The following CACNA1A variants were observed in gnomAD, a reference collection of about 807,000 sequenced individuals.
CACNA1A encodes calcium voltage-gated channel subunit alpha1 A.
In CACNA1A, 57 loss-of-function variants were observed where a neutral mutation model predicts 262.4. The ratio of observed to expected loss-of-function variants is 0.22; its 90% CI spans 0.18 to 0.27. CACNA1A has a LOEUF of 0.27. Among genes scored for constraint, CACNA1A ranks in the 10% least tolerant of loss-of-function variants. The probability of loss-of-function intolerance (pLI) is 1.00; values close to 1 mark genes in which losing one functional copy is unlikely to be tolerated. For synonymous variants in CACNA1A, 1,431 were observed against 1,419.3 expected, an observed-to-expected ratio of 1.01 and a Z score of -0.18; for missense variants, 2,526 against 3,562.8, an observed-to-expected ratio of 0.71 and a Z score of 7.41.
chr19:13,329,145 A>T (rs2058423059), intron 10 of CACNA1A, among the ~76,000 whole-genome samples: 1 of 152,192 alleles, frequency 6.6e-6, no homozygotes, highest in African/African-American at 2.4e-5. Flanking sequence ...ACAGCCAATG[A>T]ATCAATAGGA....
chr19:13,345,489 A>G (rs920044273), intron 6 of CACNA1A, among the ~76,000 whole-genome samples: 4 of 152,208 alleles, frequency 2.6e-5, no homozygotes, highest in Non-Finnish European at 5.9e-5. Context: ...AAAGCGCTCC[A>G]TAAATACTCA....
rs1419177226 is a variant in CACNA1A, at chr19:13,393,846, G to A, written c.540-22067C>T. ...TCTCTCTCTCTCTCTCTTCCCCTCCGCCCCCATTGCCCACGCTGGGGAGCG... is the reference window on the plus strand; with the variant it reads ...TCTCTCTCTCTCTCTCTTCCCCTCCACCCCCATTGCCCACGCTGGGGAGCG... On this transcript the variant is annotated intron_variant, in intron 3 of 46. Transcript: ENST00000360228. Among the ~76,000 whole-genome samples, 4 of 88,022 alleles carry A rather than the reference G, an allele frequency of 4.5e-5. No individual in the cohort carries two copies. The Admixed American group carries it at 5.2e-4, about 11-fold the overall frequency. The allele number at this position is 88,022 out of a possible 152,430, so 57.7% of individuals were successfully genotyped here.
intron 38 of CACNA1A, among the ~76,000 whole-genome samples, chr19:13,216,480 G>C (rs1293505808): frequency 6.6e-6 from 1 of 152,036 alleles, no homozygotes; most frequent in Non-Finnish European, 1.5e-5. Context: ...TGGGATTACA[G>C]ACATCTGCCT....
Position 13,298,957 on chromosome 19 carries a change from G to A in CACNA1A, c.2676C>T (p.Ser892=), listed in dbSNP as rs780515850. 5.1e-5 allele frequency: 81 copies of A among 1,588,022 alleles called. No homozygotes were observed. The East Asian group carries it at 6.1e-4, about 12-fold the overall frequency. The change falls in exon 19 of 47, where the codon AGC becomes AGT. Residue 892 remains serine (S), a synonymous_variant. Transcript: ENST00000360228. ...PWAGSQEAEL[S]REGPYGRESD... ...ACTCGCGGCCGTAGGGTCCCTCCCGGCTCAGCTCGGCCTCCTGGCTTCCCG... is the reference window on the plus strand; with the variant it reads ...ACTCGCGGCCGTAGGGTCCCTCCCGACTCAGCTCGGCCTCCTGGCTTCCCG...
chr19:13,410,313 A>G (rs1266963202), intron 3 of CACNA1A, among the ~76,000 whole-genome samples: 1 of 150,504 alleles, frequency 6.6e-6, no homozygotes, highest in African/African-American at 2.4e-5. Context: ...TGCAGCCTCG[A>G]CCTCCCAGGC....
intron 3 of CACNA1A, among the ~76,000 whole-genome samples, chr19:13,376,785 T>G (rs1177929085): frequency 3.6e-5 from 4 of 110,676 alleles, no homozygotes; most frequent in Admixed American, 3.4e-4. Context: ...ACATAATATA[T>G]GTGACATATA....
intron 22 of CACNA1A, among the ~76,000 whole-genome samples, chr19:13,282,159 AG>A (rs1158837673): frequency 6.6e-6 from 1 of 152,130 alleles, no homozygotes; most frequent in Non-Finnish European, 1.5e-5. Flanking sequence ...TCAGGTCCCC[AG>A]GGGGGCCTGC....
intron 10 of CACNA1A, 76 bp downstream of exon 10, chr19:13,330,168 C>A (rs3764665): frequency 9.5e-7 from 1 of 1,051,062 alleles, no homozygotes. Context: ...GTTTGCAAGC[C>A]CTCTGCCCCC....
intron 10 of CACNA1A, among the ~76,000 whole-genome samples, chr19:13,324,142 A>G (rs969152862): frequency 1.3e-5 from 2 of 152,224 alleles, no homozygotes; most frequent in African/African-American, 4.8e-5. Context: ...GCACAGAAAG[A>G]CAATTACAGT....
chr19:13,261,931 A>G (rs2056743236), intron 25 of CACNA1A: 1 of 243,666 alleles, frequency 4.1e-6, no homozygotes, highest in African/African-American at 2.2e-5. Flanking sequence ...TGAGTGAAGG[A>G]GAAATTTTTA....
At position 13,359,583 on chromosome 19, in the gene CACNA1A, C is replaced by T. The variant is rs761509778; in HGVS notation, c.978+23G>A. ...CTCCCTGAGACTCTGATTGTCCACACACACTGTCCCAGCATCACTTACATT... is the reference window on the plus strand; with the variant it reads ...CTCCCTGAGACTCTGATTGTCCACATACACTGTCCCAGCATCACTTACATT... On this transcript the variant is annotated intron_variant, in intron 6 of 46. Coordinates refer to ENST00000360228, the MANE Select transcript of CACNA1A (RefSeq NM_001127222.2). 5.7e-6 allele frequency: 9 copies of T among 1,585,444 alleles called. No homozygotes were observed. The African/African-American group carries it at 8.1e-5, about 14-fold the overall frequency.
rs1353111699 is a variant in CACNA1A at position 13,253,190 on chromosome 19, C to T, written c.4756-89G>A. 7.5e-6 allele frequency: 6 copies of T among 794,756 alleles called. No homozygotes were observed. The African/African-American group carries it at 8.4e-5, about 11-fold the overall frequency. 49.2% of individuals were successfully genotyped at this position (794,756 alleles called of 1,614,324 possible). On this transcript the variant is annotated intron_variant, in intron 29 of 46. Transcript: ENST00000360228. ...GGCAGCTTCATGGCTGTTCTCCAGG[C>T]AACACTCCAGCCCCAGGCAAGGTCT...
At position 13,261,478 on chromosome 19, in the gene CACNA1A, C is replaced by T. The variant is rs1362632589; in HGVS notation, c.4222G>A (p.Glu1408Lys). The change falls in exon 26 of 47, where the codon GAG becomes AAG. Residue 1408 changes from glutamate (E) to lysine (K), a missense_variant. Physicochemically the swap from Glu to Lys is moderately conservative, Grantham distance 56. Transcript: ENST00000360228. Reference sequence around the variant, plus strand: ...CAATCTTTCTCAAACTCTTTGGACTCGTCAGTGCAGTGGAAGAATTTCCCC... The same window carrying T: ...CAATCTTTCTCAAACTCTTTGGACTTGTCAGTGCAGTGGAAGAATTTCCCC... ...FKGKFFHCTD[E>K]SKEFEKDCRG... 2 of 1,581,818 alleles carry T rather than the reference C, an allele frequency of 1.3e-6. No individual in the cohort carries two copies. Among genetic ancestry groups the T allele is most frequent in the African/African-American group, 1.3e-5 (1 of 74,344 alleles).
intron 1 of CACNA1A, among the ~76,000 whole-genome samples, chr19:13,491,942 G>T (rs187117332): frequency 1.3e-5 from 2 of 152,242 alleles, no homozygotes; most frequent in African/African-American, 4.8e-5. Flanking sequence ...TAATACATCA[G>T]ACTCTTATTT....
At chr19:13,262,605 T>C in intron 25 of CACNA1A, 129 bp downstream of exon 25, 3 of 656,716 alleles carry the variant, frequency 4.6e-6, no homozygotes, top group Middle Eastern at 4.0e-4. Flanking sequence ...CAAATATCCA[T>C]ACACGATGGC....
rs1423812068 is a variant in CACNA1A at position 13,413,884 on chromosome 19, AG to A, written c.539+38991del. ...TGACAGAGCCAGACTCTGTCAAGAA[AG>A]AAAGAAAGAAAAAGAAAGAAAGAAA... On this transcript the variant is annotated intron_variant, in intron 3 of 46. Coordinates refer to ENST00000360228, the MANE Select transcript of CACNA1A (RefSeq NM_001127222.2). Among the ~76,000 whole-genome samples the A allele has an allele frequency of 2.4e-5, 3 of 124,502 alleles. 1 individual carries two copies. The highest frequency in any genetic ancestry group is 7.1e-5 in the African/African-American group (2 of 28,234). 81.7% of individuals were successfully genotyped at this position (124,502 alleles called of 152,430 possible). A position where few individuals can be genotyped will look rare whatever the true frequency, so the allele number is the denominator to read the frequency against.
Position 13,279,720 on chromosome 19 carries a change from C to T in CACNA1A, c.3823-2592G>A, listed in dbSNP as rs572238741. Reference sequence around the variant, plus strand: ...GTCTGGTCTCGAACTCCTGACCTCACGTGATCTACCCACCTTGGCCTCCCA... The same window carrying T: ...GTCTGGTCTCGAACTCCTGACCTCATGTGATCTACCCACCTTGGCCTCCCA... On this transcript the variant is annotated intron_variant, in intron 22 of 46. Coordinates refer to ENST00000360228, the MANE Select transcript of CACNA1A (RefSeq NM_001127222.2). Among the ~76,000 whole-genome samples the T allele has an allele frequency of 4.0e-5, 6 of 151,674 alleles. No homozygotes were observed. In the East Asian group the frequency reaches 1.2e-3, roughly 30 times the overall value.
intron 34 of CACNA1A, 41 bp downstream of exon 34, chr19:13,234,880 C>T (rs1467886067): frequency 2.2e-6 from 3 of 1,385,694 alleles, no homozygotes; most frequent in Middle Eastern, 1.8e-4. Context: ...AGGCACCCCA[C>T]CCCACGGAAA....
At position 13,299,013 on chromosome 19, in the gene CACNA1A, A is replaced by C. The variant is rs751675055; in HGVS notation, c.2620T>G (p.Ser874Ala). Residue 874 changes from serine to alanine, a missense_variant, in exon 19 of 47, where the codon TCG becomes GCG. Around this residue, in one of 17 missense-constraint regions of CACNA1A, gnomAD observed 765 missense variants for 748.6 expected, o/e 1.02. Transcript: ENST00000360228. ...GGCCTCCGTGCGTCCAGGCCCGCCGAGCCGCTGGGGTCCCGGGCCCGATCG... is the reference window on the plus strand; with the variant it reads ...GGCCTCCGTGCGTCCAGGCCCGCCGCGCCGCTGGGGTCCCGGGCCCGATCG... ...YHDRARDPSGSAGLDARRPWA... is the reference protein window; with the variant it reads ...YHDRARDPSGAAGLDARRPWA... 1.5e-5 allele frequency: 24 copies of C among 1,587,066 alleles called. No individual in the cohort carries two copies. Among genetic ancestry groups the C allele is most frequent in the Non-Finnish European group, 2.0e-5 (24 of 1,173,080 alleles).
Sources: allele counts gnomAD v4.1 joint callset (sites outside exome capture counted in the v4.1 genomes callset), GRCh38; gene constraint gnomAD v4.1.1; regional missense constraint gnomAD v4.1.1; transcripts MANE v1.5; gene names NCBI Gene and HGNC (gene_info 2026-07-23, HGNC 2026-07-21).